Variants in PARVG observed in about 807,000 individuals in gnomAD.
The protein encoded by PARVG is gamma-parvin.
PARVG carries 36 observed loss-of-function variants against 44.4 expected under a neutral mutation model. The observed-to-expected ratio is 0.81, with a 90% CI of 0.62 to 1.07. The LOEUF (loss-of-function observed/expected upper bound fraction) is 1.07. Ranked by LOEUF, PARVG falls within the 50% of genes least tolerant of loss-of-function variation. The pLI is 0.00. For synonymous variants in PARVG, 170 were observed against 174.1 expected (o/e 0.98, Z 0.19); for missense variants, 407 against 407.4 (o/e 1.00, Z 0.01).
chr22:44,173,971 T>A (rs1328031348), intron 1 of PARVG, among the ~76,000 whole-genome samples: 1 of 152,010 alleles, frequency 6.6e-6, no homozygotes, highest in African/African-American at 2.4e-5. Flanking sequence ...TTTTATTGGG[T>A]AGGACTCAAC....
chr22:44,203,475 A>G (rs551104764), intron 12 of PARVG, among the ~76,000 whole-genome samples: 22 of 152,310 alleles, frequency 1.4e-4, no homozygotes, highest in African/African-American at 5.3e-4. Flanking sequence ...GTTTGGCCAC[A>G]GATATCCCCT....
At chr22:44,189,734 T>C (rs534738587) in intron 6 of PARVG, among the ~76,000 whole-genome samples, 1 of 152,272 alleles carries the variant, frequency 6.6e-6, no homozygotes, top group East Asian at 1.9e-4. Flanking sequence ...CTGGTCAACA[T>C]GGTGAAACCC....
At position 44,187,761 on chromosome 22, in the gene PARVG, C is replaced by T. The variant is rs1407404414; in HGVS notation, c.145-15C>T. ...GTCTCCATCCCCCCAAAAGTTGTCC[C>T]CTTGGAGCCTGCAGGTGTTGATGGA... On this transcript the variant is annotated splice_polypyrimidine_tract_variant and intron_variant, in intron 4 of 13. Coordinates refer to ENST00000444313, the MANE Select transcript of PARVG (RefSeq NM_022141.7). The T allele has an allele frequency of 6.2e-7, 1 of 1,614,014 alleles. No homozygotes were observed. Among genetic ancestry groups the T allele is most frequent in the South Asian group, 1.1e-5 (1 of 91,082 alleles).
At position 44,182,350 on chromosome 22, in the gene PARVG, G is replaced by A. The variant is rs978226831; in HGVS notation, c.-13+433G>A. Among the ~76,000 whole-genome samples the A allele has an allele frequency of 1.3e-5, 2 of 152,170 alleles. No homozygotes were observed. The highest frequency in any genetic ancestry group is 4.8e-5 in the African/African-American group (2 of 41,450). Reference sequence around the variant, plus strand: ...TGGCCTGGGACCCAGGCTTCCTGACGCCCAGGCCAGGCTCTTTCGTTTTCT... The same window carrying A: ...TGGCCTGGGACCCAGGCTTCCTGACACCCAGGCCAGGCTCTTTCGTTTTCT... On this transcript the variant is annotated intron_variant, in intron 2 of 13. Coordinates refer to ENST00000444313, the MANE Select transcript of PARVG (RefSeq NM_022141.7). The surrounding 1 kb of genome is among the most constrained non-coding windows in gnomAD (Gnocchi z 4.6).
intron 12 of PARVG, among the ~76,000 whole-genome samples, 182 bp from the exon 13 acceptor site, chr22:44,205,575 G>A (rs1275031038): frequency 6.6e-6 from 1 of 152,252 alleles, no homozygotes; most frequent in Non-Finnish European, 1.5e-5. Flanking sequence ...GTGACAGAGT[G>A]AGCTGTAGGG....
At chr22:44,187,100 G>T in intron 4 of PARVG, 1 of 196,810 alleles carries the variant, frequency 5.1e-6, no homozygotes, top group Non-Finnish European at 1.1e-5. Context: ...GCTTCCTAGG[G>T]CTACTGTAAC....
chr22:44,187,479 T>G, intron 4 of PARVG: 2 of 453,474 alleles, frequency 4.4e-6, no homozygotes, highest in Non-Finnish European at 8.0e-6. Flanking sequence ...CATTTCCCCA[T>G]TTTTGGGTAT....
intron 7 of PARVG, 56 bp from the exon 8 acceptor site, chr22:44,191,993 T>C: frequency 6.3e-7 from 1 of 1,583,660 alleles, no homozygotes; most frequent in Non-Finnish European, 8.7e-7. Context: ...CTGGGGCTTC[T>C]TTGGGCCCCA....
upstream of PARVG, among the ~76,000 whole-genome samples, chr22:44,179,371 A>G (rs1246801766): frequency 6.6e-6 from 1 of 152,222 alleles, no homozygotes; most frequent in Non-Finnish European, 1.5e-5. This position sits in a 1 kb window ranked among gnomAD's most constrained non-coding sequence, Gnocchi z 4.2. Flanking sequence ...AAGAGATGAG[A>G]GATAGCTTTG....
Position 44,208,202 on chromosome 22 carries a change from AG to A in PARVG, c.*1777del, listed in dbSNP as rs1252457656. The A allele has an allele frequency of 6.6e-6, 1 of 152,232 alleles. No homozygotes were observed. The highest frequency in any genetic ancestry group is 1.9e-4 in the East Asian group (1 of 5,196). 9.4% of individuals were successfully genotyped at this position (152,232 alleles called of 1,614,324 possible). A position where few individuals can be genotyped will look rare whatever the true frequency, so the allele number is the denominator to read the frequency against. Reference sequence around the variant, plus strand: ...TCTATTTGACAGCAATTAAAAAAAAAGTGACTTATTTAATTACTGTAGCTTT... The same window carrying A: ...TCTATTTGACAGCAATTAAAAAAAAATGACTTATTTAATTACTGTAGCTTT... On this transcript the variant is annotated 3_prime_UTR_variant, in exon 14 of 14. Coordinates refer to ENST00000444313, the MANE Select transcript of PARVG (RefSeq NM_022141.7).
chr22:44,188,571 A>G (rs768189236), intron 5 of PARVG: 19 of 162,008 alleles, frequency 1.2e-4, no homozygotes, highest in Non-Finnish European at 1.9e-4. Context: ...TGCGGCTAGC[A>G]CTTCCGGGCA....
intron 3 of PARVG, chr22:44,184,356 G>C (rs2054431689): frequency 6.6e-6 from 1 of 152,060 alleles, no homozygotes; most frequent in African/African-American, 2.4e-5. Context: ...TTTTTTTCTT[G>C]AGACAAAAAT....
intron 9 of PARVG, among the ~76,000 whole-genome samples, chr22:44,194,947 A>G (rs984845673): frequency 2.0e-5 from 3 of 152,110 alleles, no homozygotes; most frequent in Admixed American, 6.5e-5. Context: ...CCAACCACCT[A>G]TGTATTCACC....
chr22:44,193,965 A>G, intron 9 of PARVG, 142 bp downstream of exon 9: 12 of 1,105,472 alleles, frequency 1.1e-5, no homozygotes, highest in Non-Finnish European at 1.5e-5. Flanking sequence ...ATTCTTATTC[A>G]TTTGTCCCTC....
At position 44,187,553 on chromosome 22, in the gene PARVG, C is replaced by T. The variant is rs149929336; in HGVS notation, c.145-223C>T. ...CACACATGATAATGACAGCCCCACA[C>T]TGCTCAGGTTTGTGATGGAGAGAAG... On this transcript the variant is annotated intron_variant, in intron 4 of 13. Coordinates refer to ENST00000444313, the MANE Select transcript of PARVG (RefSeq NM_022141.7). 809 of 595,580 alleles carry T rather than the reference C, an allele frequency of 1.4e-3. 5 individuals carry two copies. The African/African-American group carries it at 0.014, about 10-fold the overall frequency. 36.9% of individuals were successfully genotyped at this position (595,580 alleles called of 1,614,324 possible).
At chr22:44,193,907 G>C in intron 9 of PARVG, 84 bp downstream of exon 9, 1 of 1,513,530 alleles carries the variant, frequency 6.6e-7, no homozygotes, top group South Asian at 1.2e-5. Flanking sequence ...GTTAATTGCT[G>C]AGCATTCTCT....
intron 9 of PARVG, among the ~76,000 whole-genome samples, chr22:44,194,190 T>C (rs1422842306): frequency 6.6e-6 from 1 of 152,208 alleles, no homozygotes; most frequent in Non-Finnish European, 1.5e-5. Context: ...AGTTTCCTCA[T>C]CTATAAAAGG....
At chr22:44,194,385 G>A (rs1002656770) in intron 9 of PARVG, among the ~76,000 whole-genome samples, 9 of 152,062 alleles carry the variant, frequency 5.9e-5, no homozygotes, top group African/African-American at 2.2e-4. Context: ...TTTGTCACTG[G>A]TCTGGCCAGC....
chr22:44,173,474 C>T (rs2054289973), intron 1 of PARVG, among the ~76,000 whole-genome samples: 2 of 151,882 alleles, frequency 1.3e-5, no homozygotes, highest in Admixed American at 1.3e-4. Flanking sequence ...TCGAATTTTA[C>T]GAAATGATGA....
Sources: allele counts gnomAD v4.1 joint callset (sites outside exome capture counted in the v4.1 genomes callset), GRCh38; gene constraint gnomAD v4.1.1; non-coding constraint Gnocchi (gnomAD v3.1); transcripts MANE v1.5; gene names NCBI Gene and HGNC (gene_info 2026-07-23, HGNC 2026-07-21).